Variants in RASGRP3 observed in about 807,000 individuals in gnomAD.
RASGRP3 encodes RAS guanyl releasing protein 3.
In RASGRP3, 54 loss-of-function variants were observed where a neutral mutation model predicts 82.7. The ratio of observed to expected loss-of-function variants is 0.65; its 90% CI spans 0.52 to 0.82. The LOEUF is 0.82. RASGRP3 is among the 40% of genes least tolerant of loss of function. The pLI, the probability that RASGRP3 is intolerant of heterozygous loss-of-function variation, is 0.00. For synonymous variants in RASGRP3, 309 were observed against 300.5 expected, an observed-to-expected ratio of 1.03 and a Z score of -0.29; for missense variants, 861 against 828.9, an observed-to-expected ratio of 1.04 and a Z score of -0.48.
chr2:33,496,712 C>T (rs894413311), intron 1 of RASGRP3, among the ~76,000 whole-genome samples: 1 of 152,148 alleles, frequency 6.6e-6, no homozygotes, highest in African/African-American at 2.4e-5. Flanking sequence ...CAAAAATTAG[C>T]AAGGTGTGGC....
intron 13 of RASGRP3, among the ~76,000 whole-genome samples, chr2:33,545,871 C>T (rs1422686040): frequency 6.6e-6 from 1 of 152,170 alleles, no homozygotes; most frequent in Non-Finnish European, 1.5e-5. Context: ...CTGGCACAAT[C>T]TCGGCTTATT....
At chr2:33,550,893 G>T (rs1419887030) in intron 14 of RASGRP3, among the ~76,000 whole-genome samples, 1 of 152,154 alleles carries the variant, frequency 6.6e-6, no homozygotes, top group East Asian at 1.9e-4. Context: ...GGCCCCAGGT[G>T]GTCATAGCAG....
intron 1 of RASGRP3, among the ~76,000 whole-genome samples, chr2:33,483,310 T>C (rs1668094627): frequency 6.6e-6 from 1 of 152,226 alleles, no homozygotes; most frequent in Non-Finnish European, 1.5e-5. Flanking sequence ...CAATAGGTTC[T>C]AAGCCCCTTG....
chr2:33,504,778 A>G (rs562863968), intron 1 of RASGRP3, among the ~76,000 whole-genome samples: 1 of 152,062 alleles, frequency 6.6e-6, no homozygotes, highest in Admixed American at 6.5e-5. Flanking sequence ...TTTTGTGTAG[A>G]TTCTGTCCTT....
At chr2:33,460,340 T>C (rs1325689274) in intron 2 of RASGRP3, among the ~76,000 whole-genome samples, 1 of 152,070 alleles carries the variant, frequency 6.6e-6, no homozygotes, top group East Asian at 1.9e-4. Context: ...CATACATATA[T>C]ATGTAGGAGA....
At chr2:33,495,364 T>C (rs573210187) in intron 1 of RASGRP3, among the ~76,000 whole-genome samples, 1 of 152,310 alleles carries the variant, frequency 6.6e-6, no homozygotes, top group South Asian at 2.1e-4. Context: ...TTAGATTCAT[T>C]GTTTGTGTAG....
chr2:33,462,465 C>T (rs979426483), intron 2 of RASGRP3, among the ~76,000 whole-genome samples: 51 of 151,376 alleles, frequency 3.4e-4, no homozygotes, highest in African/African-American at 1.2e-3. Flanking sequence ...GCAACCTACA[C>T]CTCCCGGGTT....
At chr2:33,455,540 C>T (rs929814561) in intron 2 of RASGRP3, among the ~76,000 whole-genome samples, 1 of 152,212 alleles carries the variant, frequency 6.6e-6, no homozygotes, top group African/African-American at 2.4e-5. Flanking sequence ...TAGTATCTCA[C>T]CTACAATTCC....
intron 2 of RASGRP3, among the ~76,000 whole-genome samples, chr2:33,456,534 C>T (rs139123297): frequency 6.6e-6 from 1 of 152,044 alleles, no homozygotes. Context: ...GCATAAAGAC[C>T]TTAGGAACTT....
At chr2:33,524,603 A>G in intron 9 of RASGRP3, 55 bp downstream of exon 9, 1 of 1,357,760 alleles carries the variant, frequency 7.4e-7, no homozygotes, top group Non-Finnish European at 1.0e-6. Flanking sequence ...TAAATTGTTC[A>G]GGTTTAGTAT....
chr2:33,441,903 T>A (rs932372014), intron 1 of RASGRP3, among the ~76,000 whole-genome samples: 1 of 152,166 alleles, frequency 6.6e-6, no homozygotes. Context: ...GTAACTAACC[T>A]AAATATACAG....
chr2:33,539,055 T>G (rs765131962), intron 11 of RASGRP3, 39 bp from the exon 12 acceptor site: 6 of 1,367,446 alleles, frequency 4.4e-6, no homozygotes, highest in Non-Finnish European at 5.0e-6. Flanking sequence ...ATAATAATAA[T>G]AAAGTTGAAA....
At chr2:33,510,233 A>G (rs565337174) in intron 1 of RASGRP3, among the ~76,000 whole-genome samples, 3 of 152,378 alleles carry the variant, frequency 2.0e-5, no homozygotes, top group African/African-American at 7.2e-5. Flanking sequence ...AATAGAGACA[A>G]TGTGATAGAC....
rs148116949 is a variant in RASGRP3, at chr2:33,533,463, A to G, written c.1084-860A>G. 496 of 152,306 alleles carry G rather than the reference A, an allele frequency of 3.3e-3. 1 individual carries two copies. The highest frequency in any genetic ancestry group is 0.012 in the African/African-American group (485 of 41,568). The allele number at this position is 152,306 out of a possible 1,614,324, so 9.4% of individuals were successfully genotyped here. Reference sequence around the variant, plus strand: ...ACAGTAACATTAACACTATAAAATAACACTTCTTGAGATTTTATTGTGTAC... The same window carrying G: ...ACAGTAACATTAACACTATAAAATAGCACTTCTTGAGATTTTATTGTGTAC... On this transcript the variant is annotated intron_variant, in intron 10 of 17. Coordinates refer to ENST00000403687, the MANE Select transcript of RASGRP3 (RefSeq NM_001139488.2).
Position 33,558,298 on chromosome 2 carries a change from G to A in RASGRP3, c.1667G>A (p.Gly556Asp). The A allele has an allele frequency of 6.2e-7, 1 of 1,613,702 alleles. No homozygotes were observed. Among genetic ancestry groups the A allele is most frequent in the Non-Finnish European group, 8.5e-7 (1 of 1,179,854 alleles). ...GCCCGGGCGCCCTCCTTGAGCAGTG[G>A]TCATGGGTCACTGCCTGGAAGCCCC... ...RFARAPSLSS[G>D]HGSLPGSPSL... Residue 556 changes from glycine (G) to aspartate (D), a missense_variant, in exon 16 of 18, where the codon GGT becomes GAT. By Grantham distance (94) the Gly-to-Asp change is moderately conservative. Transcript: ENST00000403687.
At chr2:33,518,766 A>G (rs1671702331) in intron 4 of RASGRP3, among the ~76,000 whole-genome samples, 1 of 152,086 alleles carries the variant, frequency 6.6e-6, no homozygotes, top group South Asian at 2.1e-4. Flanking sequence ...AAACACACGC[A>G]TTAGCCTAGG....
At chr2:33,514,589 G>C (rs576244437) in intron 2 of RASGRP3, among the ~76,000 whole-genome samples, 2 of 151,418 alleles carry the variant, frequency 1.3e-5, no homozygotes, top group South Asian at 4.2e-4. Flanking sequence ...GGGGTCAGAA[G>C]TGGGAGAATT....
chr2:33,445,665 G>A (rs1039209343), intron 1 of RASGRP3, among the ~76,000 whole-genome samples: 2 of 151,634 alleles, frequency 1.3e-5, no homozygotes, highest in South Asian at 2.1e-4. Flanking sequence ...ATTATTCAAT[G>A]AAATCTAACT....
At chr2:33,482,114 T>C (rs34432178) in intron 1 of RASGRP3, 29,288 of 150,046 alleles carry the variant, frequency 0.2, 3,893 homozygotes, top group African/African-American at 0.38. Flanking sequence ...CCCAGGTTCA[T>C]GCCATTCTCC....
Sources: allele counts gnomAD v4.1 joint callset (sites outside exome capture counted in the v4.1 genomes callset), GRCh38; gene constraint gnomAD v4.1.1; transcripts MANE v1.5; gene names NCBI Gene and HGNC (gene_info 2026-07-23, HGNC 2026-07-21).